MDM4: variants seen among roughly 807,000 people sequenced by gnomAD.
The protein encoded by MDM4 is protein Mdm4.
Under a neutral mutation model 60.2 loss-of-function variants are expected in MDM4, and 2 were observed. The ratio of observed to expected loss-of-function variants is 0.03; its 90% CI spans 0.01 to 0.10. The LOEUF (loss-of-function observed/expected upper bound fraction) is 0.10, where lower values mean the gene tolerates loss of function less well. Among genes scored for constraint, MDM4 ranks in the 10% least tolerant of loss-of-function variants. The probability of loss-of-function intolerance (pLI) is 1.00; values close to 1 mark genes in which losing one functional copy is unlikely to be tolerated. For synonymous variants in MDM4, 202 were observed against 198.1 expected (o/e 1.02, Z -0.17); for missense variants, 447 against 577.5 (o/e 0.77, Z 2.32).
At chr1:204,525,748 A>G in intron 2 of MDM4, 152 bp downstream of exon 2, 2 of 599,438 alleles carry the variant, frequency 3.3e-6, no homozygotes, top group African/African-American at 1.9e-5. Context: ...CCTTGGCAAC[A>G]TAGTGAGACC....
At position 204,516,928 on chromosome 1, in the gene MDM4, C is replaced by T. The variant is rs182741101; in HGVS notation, c.-36+419C>T. ...CTGCGGACAGTCTACCTTAGAGGCA[C>T]TTGAGTGCTTGTTTGAAAATGCTTG... On this transcript the variant is annotated intron_variant, in intron 1 of 10. Transcript: ENST00000367182. Among the ~76,000 whole-genome samples, 4 of 152,220 alleles carry T rather than the reference C, an allele frequency of 2.6e-5. 1 individual carries two copies. The Middle Eastern group carries it at 0.01, about 388-fold the overall frequency.
rs1663604098 is a variant in MDM4 at position 204,557,422 on chromosome 1, A to G, written c.*7740A>G. ...TGTACAAAAAAAAATTTTTTTTTTGAGACAGAGTCTTACTCTGTCACCCAG... is the reference window on the plus strand; with the variant it reads ...TGTACAAAAAAAAATTTTTTTTTTGGGACAGAGTCTTACTCTGTCACCCAG... On this transcript the variant is annotated 3_prime_UTR_variant, in exon 11 of 11. Coordinates refer to ENST00000367182, the MANE Select transcript of MDM4 (RefSeq NM_002393.5). The G allele has an allele frequency of 1.1e-5, 2 of 177,804 alleles. No homozygotes were observed. Among genetic ancestry groups the G allele is most frequent in the African/African-American group, 4.8e-5 (2 of 42,016 alleles). 11.0% of individuals were successfully genotyped at this position (177,804 alleles called of 1,614,324 possible).
intron 1 of MDM4, among the ~76,000 whole-genome samples, chr1:204,524,446 A>G (rs1246139085): frequency 6.6e-6 from 1 of 152,184 alleles, no homozygotes; most frequent in Non-Finnish European, 1.5e-5. Context: ...CTTTTGTTAG[A>G]AAAAGGCATA....
intron 1 of MDM4, among the ~76,000 whole-genome samples, chr1:204,522,009 T>G (rs913309620): frequency 6.6e-6 from 1 of 152,070 alleles, no homozygotes; most frequent in Non-Finnish European, 1.5e-5. Flanking sequence ...CATTTGAGCA[T>G]AGACAAAAAG....
chr1:204,524,383 A>T (rs997174125), intron 1 of MDM4, among the ~76,000 whole-genome samples: 14 of 152,188 alleles, frequency 9.2e-5, no homozygotes, highest in African/African-American at 3.4e-4. Context: ...TCTAGTCGCC[A>T]TTTACCCTTT....
At chr1:204,517,747 C>T (rs936289308) in intron 1 of MDM4, among the ~76,000 whole-genome samples, 1 of 152,128 alleles carries the variant, frequency 6.6e-6, no homozygotes, top group East Asian at 1.9e-4. Flanking sequence ...TGCTGCAGCT[C>T]TGTGCTGTTG....
At chr1:204,534,522 C>T (rs1341113374) in intron 5 of MDM4, among the ~76,000 whole-genome samples, 2 of 152,178 alleles carry the variant, frequency 1.3e-5, no homozygotes, top group Non-Finnish European at 2.9e-5. Context: ...CAGGATCTCT[C>T]TGTTGCTCAG....
At chr1:204,539,240 C>T (rs1224614320) in intron 7 of MDM4, among the ~76,000 whole-genome samples, 1 of 152,186 alleles carries the variant, frequency 6.6e-6, no homozygotes, top group East Asian at 1.9e-4. Context: ...CCCGCCTCAG[C>T]CTCCTAAAGT....
chr1:204,532,235 C>T lies in MDM4; in HGVS notation c.332C>T (p.Thr111Ile), dbSNP rs760083970. The T allele has an allele frequency of 6.3e-7, 1 of 1,595,358 alleles. No individual in the cohort carries two copies. Among genetic ancestry groups the T allele is most frequent in the East Asian group, 2.2e-5 (1 of 44,638 alleles). Residue 111 changes from threonine to isoleucine, a missense_variant, in exon 5 of 11, where the codon ACT becomes ATT. By Grantham distance (89) the Thr-to-Ile change is moderately conservative. Around this residue, in one of 8 missense-constraint regions of MDM4, gnomAD observed 23 missense variants for 22.1 expected, o/e 1.04. Transcript: ENST00000367182. ...AGAAAGAATCTTGTCACTTTAGCCA[C>T]TGCTACTACAGGTATGTCACATCAT... ...MLRKNLVTLA[T>I]ATTDAAQTLA...
At position 204,550,568 on chromosome 1, in the gene MDM4, T is replaced by G. The variant is rs1402719061; in HGVS notation, c.*886T>G. 1 of 180,472 alleles carries G rather than the reference T, an allele frequency of 5.5e-6. No homozygotes were observed. Among genetic ancestry groups the G allele is most frequent in the African/African-American group, 2.4e-5 (1 of 42,368 alleles). 11.2% of individuals were successfully genotyped at this position (180,472 alleles called of 1,614,324 possible). A position where few individuals can be genotyped will look rare whatever the true frequency, so the allele number is the denominator to read the frequency against. ...ATATTATATATGTGCTTTAAAGTTT[T>G]TTTTTTTTTTTGAGAGACGGTCTCA... On this transcript the variant is annotated 3_prime_UTR_variant, in exon 11 of 11. Coordinates refer to ENST00000367182, the MANE Select transcript of MDM4 (RefSeq NM_002393.5).
At chr1:204,540,063 C>T (rs1465848350) in intron 7 of MDM4, among the ~76,000 whole-genome samples, 7 of 150,860 alleles carry the variant, frequency 4.6e-5, no homozygotes, top group African/African-American at 1.5e-4. Flanking sequence ...GGGCGGATCA[C>T]GAGGTCAGGA....
intron 8 of MDM4, 69 bp from the exon 9 acceptor site, chr1:204,544,466 T>C (rs1216758554): frequency 2.0e-6 from 3 of 1,497,784 alleles, no homozygotes; most frequent in African/African-American, 2.8e-5. Context: ...TTTGGGTTCA[T>C]TTGTGTTGTT....
intron 8 of MDM4, among the ~76,000 whole-genome samples, chr1:204,544,084 A>G (rs1001019497): frequency 2.0e-5 from 3 of 152,204 alleles, no homozygotes; most frequent in Admixed American, 6.5e-5. Flanking sequence ...TGTCAGGACA[A>G]AAGGTTTGGG....
At chr1:204,540,856 T>A (rs2102410274) in intron 7 of MDM4, among the ~76,000 whole-genome samples, 2 of 152,350 alleles carry the variant, frequency 1.3e-5, no homozygotes, top group South Asian at 2.1e-4. Context: ...TTCCCCAAAG[T>A]CATTTTATGG....
chr1:204,537,241 G>C (rs1005361704), intron 5 of MDM4, among the ~76,000 whole-genome samples, 189 bp from the exon 6 acceptor site: 6 of 152,016 alleles, frequency 3.9e-5, no homozygotes, highest in African/African-American at 1.4e-4. Flanking sequence ...GATATGGCCT[G>C]TCTTGGTCTT....
Position 204,549,282 on chromosome 1 carries a change from A to G in MDM4, c.1073A>G (p.Asp358Gly). 1 of 1,614,222 alleles carries G rather than the reference A, an allele frequency of 6.2e-7. No homozygotes were observed. Among genetic ancestry groups the G allele is most frequent in the Non-Finnish European group, 8.5e-7 (1 of 1,180,028 alleles). The change falls in exon 11 of 11, where the codon GAT becomes GGT. Residue 358 changes from aspartate to glycine, a missense_variant. By Grantham distance (94) the Asp-to-Gly change is moderately conservative. Coordinates refer to ENST00000367182, the MANE Select transcript of MDM4 (RefSeq NM_002393.5). The stretch of plus-strand genomic sequence containing the variant: ...CCTGAAAAGGAAAATGAAGGAAATG[A>G]TGTCCCTGATTGTCGAAGAACCATT... ...AIPEKENEGN[D>G]VPDCRRTISA...
rs1663504756 is a variant in MDM4, at chr1:204,555,914, T to C, written c.*6232T>C. On this transcript the variant is annotated 3_prime_UTR_variant, in exon 11 of 11. Transcript: ENST00000367182. Reference sequence around the variant, plus strand: ...TCTTATTAGAGCCCCTAATTTCTTATCTGAAGGCACTGTTTTTTTTTTTAA... The same window carrying C: ...TCTTATTAGAGCCCCTAATTTCTTACCTGAAGGCACTGTTTTTTTTTTTAA... 1 of 169,896 alleles carries C rather than the reference T, an allele frequency of 5.9e-6. No homozygotes were observed. The highest frequency in any genetic ancestry group is 2.4e-5 in the African/African-American group (1 of 40,896). 10.5% of individuals were successfully genotyped at this position (169,896 alleles called of 1,614,324 possible). A position where few individuals can be genotyped will look rare whatever the true frequency, so the allele number is the denominator to read the frequency against.
chr1:204,530,591 C>A, intron 3 of MDM4, 93 bp from the exon 4 acceptor site: 2 of 1,513,216 alleles, frequency 1.3e-6, no homozygotes, highest in Non-Finnish European at 1.8e-6. Context: ...TTATTTCTTT[C>A]TTTAGCAAAC....
At chr1:204,532,785 C>G in intron 5 of MDM4, 1 of 1,611,064 alleles carries the variant, frequency 6.2e-7, no homozygotes, top group Non-Finnish European at 8.5e-7. Context: ...GTCATTTGTT[C>G]TGTAGAATTT....
Sources: allele counts gnomAD v4.1 joint callset (sites outside exome capture counted in the v4.1 genomes callset), GRCh38; gene constraint gnomAD v4.1.1; regional missense constraint gnomAD v4.1.1; transcripts MANE v1.5; gene names NCBI Gene and HGNC (gene_info 2026-07-23, HGNC 2026-07-21).